NKAIN3: variants seen among roughly 807,000 people sequenced by gnomAD.
The protein encoded by NKAIN3 is sodium/potassium-transporting ATPase subunit beta-1-interacting protein 3.
NKAIN3 carries 25 observed loss-of-function variants against 30.2 expected under a neutral mutation model. That is an observed-to-expected ratio of 0.83 (90% CI 0.60 to 1.16). NKAIN3 has a LOEUF of 1.16. Ranked by LOEUF, NKAIN3 falls within the 50% of genes most tolerant of loss-of-function variation. The probability of loss-of-function intolerance (pLI) is 0.00; values close to 1 mark genes in which losing one functional copy is unlikely to be tolerated. For missense variants in NKAIN3, 225 were observed against 254.1 expected (o/e 0.89, Z 0.78); for synonymous variants, 91 against 89.6 (o/e 1.02, Z -0.09).
chr8:62,543,283 C>A (rs1348588359), intron 1 of NKAIN3, among the ~76,000 whole-genome samples: 1 of 152,174 alleles, frequency 6.6e-6, no homozygotes, highest in Admixed American at 6.6e-5. Flanking sequence ...GCATTTCAGG[C>A]TACTAGCCTT....
chr8:62,849,373 G>A (rs1292925444), intron 4 of NKAIN3, among the ~76,000 whole-genome samples: 1 of 148,668 alleles, frequency 6.7e-6, no homozygotes, highest in Non-Finnish European at 1.5e-5. Context: ...TCTATTCAGG[G>A]ATTCAATTTC....
chr8:62,742,822 A>G (rs537237533), intron 3 of NKAIN3, among the ~76,000 whole-genome samples: 2 of 152,332 alleles, frequency 1.3e-5, no homozygotes, highest in Admixed American at 1.3e-4. Context: ...TGGATAATTT[A>G]TAAAGGAAAG....
intron 3 of NKAIN3, among the ~76,000 whole-genome samples, chr8:62,597,137 C>T (rs1408040823): frequency 1.3e-5 from 2 of 152,076 alleles, no homozygotes; most frequent in African/African-American, 4.8e-5. Flanking sequence ...AGGTATGCCA[C>T]GGGTTGCAAG....
intron 1 of NKAIN3, among the ~76,000 whole-genome samples, chr8:62,320,286 A>G (rs1483947480): frequency 6.6e-6 from 1 of 152,086 alleles, no homozygotes; most frequent in Non-Finnish European, 1.5e-5. Context: ...CTCTTTATCC[A>G]ATTTGCCAGT....
At chr8:62,616,943 A>C (rs572985728) in intron 3 of NKAIN3, among the ~76,000 whole-genome samples, 1 of 152,254 alleles carries the variant, frequency 6.6e-6, no homozygotes, top group South Asian at 2.1e-4. Flanking sequence ...ATTTCTCATA[A>C]ATGGTTTAGC....
At chr8:62,865,571 G>A (rs1303284372) in intron 4 of NKAIN3, among the ~76,000 whole-genome samples, 1 of 152,160 alleles carries the variant, frequency 6.6e-6, no homozygotes, top group East Asian at 1.9e-4. Context: ...TGTTTCTTGT[G>A]TTGTGTGACA....
At chr8:62,822,121 T>C (rs901961812) in intron 4 of NKAIN3, among the ~76,000 whole-genome samples, 3 of 152,084 alleles carry the variant, frequency 2.0e-5, no homozygotes, top group Non-Finnish European at 2.9e-5. Flanking sequence ...GGTGGAAAAA[T>C]CTTTCTGTTA....
chr8:62,710,504 T>C (rs1307269071), intron 3 of NKAIN3, among the ~76,000 whole-genome samples: 1 of 152,188 alleles, frequency 6.6e-6, no homozygotes, highest in Admixed American at 6.5e-5. Flanking sequence ...CCACTATTGC[T>C]TTAAAGTTTG....
At chr8:62,463,373 A>G (rs1057145107) in intron 1 of NKAIN3, among the ~76,000 whole-genome samples, 4 of 152,224 alleles carry the variant, frequency 2.6e-5, no homozygotes, top group Non-Finnish European at 5.9e-5. Context: ...GGTACTTAGC[A>G]GACAAACAAA....
chr8:62,433,017 C>A (rs1413859952), intron 1 of NKAIN3, among the ~76,000 whole-genome samples: 1 of 152,114 alleles, frequency 6.6e-6, no homozygotes, highest in Admixed American at 6.6e-5. Flanking sequence ...GTCCTCTTAA[C>A]CCCAAAAGGG....
intron 4 of NKAIN3, among the ~76,000 whole-genome samples, chr8:62,752,497 AATATGTATGTATTTTCCTCAATC>A (rs1300030921): frequency 6.6e-6 from 1 of 152,144 alleles, no homozygotes; most frequent in Non-Finnish European, 1.5e-5. Flanking sequence ...ACTTTTACTT[AATATGTATGTATTTTCCTCAATC>A]TTGTTTCCCA....
At chr8:62,345,472 T>TATAC (rs1554669286) in intron 1 of NKAIN3, among the ~76,000 whole-genome samples, 3 of 123,824 alleles carry the variant, frequency 2.4e-5, no homozygotes, top group Non-Finnish European at 4.9e-5. Flanking sequence ...TACACATATA[T>TATAC]ACACATATAT....
chr8:62,735,184 C>T (rs944884908), intron 3 of NKAIN3, among the ~76,000 whole-genome samples: 30 of 152,154 alleles, frequency 2.0e-4, no homozygotes, highest in African/African-American at 7.0e-4. Context: ...TGACTATTCC[C>T]TCAAATATGT....
intron 3 of NKAIN3, among the ~76,000 whole-genome samples, chr8:62,630,654 C>T (rs946639728): frequency 6.6e-6 from 1 of 152,154 alleles, no homozygotes; most frequent in Non-Finnish European, 1.5e-5. Flanking sequence ...CCAAGTCACT[C>T]ACTGAACTCT....
intron 3 of NKAIN3, among the ~76,000 whole-genome samples, chr8:62,641,263 GA>G (rs1812300995): frequency 6.6e-6 from 1 of 152,042 alleles, no homozygotes; most frequent in Non-Finnish European, 1.5e-5. Flanking sequence ...AGAAAGCTTT[GA>G]AAAATAAATG....
intron 1 of NKAIN3, among the ~76,000 whole-genome samples, chr8:62,488,965 C>T (rs552886752): frequency 1.3e-5 from 2 of 152,106 alleles, no homozygotes; most frequent in African/African-American, 2.4e-5. Context: ...AAATGGCAGG[C>T]GTGCTAAGTG....
chr8:62,550,367 G>A (rs928684971), intron 1 of NKAIN3, among the ~76,000 whole-genome samples: 4 of 152,144 alleles, frequency 2.6e-5, no homozygotes, highest in Non-Finnish European at 5.9e-5. Context: ...TAGATTTTAA[G>A]TTCTTTTAGG....
chr8:62,669,381 A>G (rs1029494281), intron 3 of NKAIN3, among the ~76,000 whole-genome samples: 3 of 152,204 alleles, frequency 2.0e-5, no homozygotes, highest in Admixed American at 6.5e-5. Context: ...AGCTTCCAAG[A>G]GGACCAAAAT....
chr8:62,749,679 C>CTTTTTTTTTTT lies in NKAIN3; in HGVS notation c.471+2560_471+2570dup, dbSNP rs35908903. ...TATTAGAATTGTGCTTTTTTCTTTT[C>CTTTTTTTTTTT]TTTTTTTTTTTTTTTTTTTTAAGAC... On this transcript the variant is annotated intron_variant, in intron 4 of 6. Coordinates refer to ENST00000623646, the MANE Select transcript of NKAIN3 (RefSeq NM_001304533.3). Among the ~76,000 whole-genome samples the CTTTTTTTTTTT allele has an allele frequency of 1.0e-4, 10 of 97,276 alleles. 1 individual carries two copies. The highest frequency in any genetic ancestry group is 3.9e-4 in the South Asian group (1 of 2,548). 63.8% of individuals were successfully genotyped at this position (97,276 alleles called of 152,430 possible).
Sources: gnomAD v4.1 joint callset for allele counts (sites outside exome capture counted in the v4.1 genomes callset) on GRCh38, gnomAD v4.1.1 for gene constraint, MANE v1.5 for transcripts, NCBI Gene and HGNC (gene_info 2026-07-23, HGNC 2026-07-21) for gene names.